Variants in AKNA observed in about 807,000 individuals in gnomAD.
AKNA encodes the protein microtubule organization protein AKNA.
AKNA carries 67 observed loss-of-function variants against 138.8 expected under a neutral mutation model. That is an observed-to-expected ratio of 0.48 (90% CI 0.40 to 0.59). The LOEUF (loss-of-function observed/expected upper bound fraction) is 0.59, where lower values mean the gene tolerates loss of function less well. Ranked by LOEUF, AKNA falls within the 20% of genes least tolerant of loss-of-function variation. AKNA has a pLI of 0.00. For synonymous variants in AKNA, 737 were observed against 754.4 expected, an observed-to-expected ratio of 0.98 and a Z score of 0.38; for missense variants, 1,813 against 1,880.4, an observed-to-expected ratio of 0.96 and a Z score of 0.66.
chr9:114,380,073 C>A (rs999054826), intron 2 of AKNA, among the ~76,000 whole-genome samples: 1 of 151,838 alleles, frequency 6.6e-6, no homozygotes, highest in Non-Finnish European at 1.5e-5. Flanking sequence ...ATTGATTGAG[C>A]CAGAAAGGTC....
In AKNA at chr9:114,377,051, G is replaced by A; in HGVS notation, c.756C>T (p.Gly252=). The A allele has an allele frequency of 2.5e-6, 4 of 1,614,164 alleles. No homozygotes were observed. Among genetic ancestry groups the A allele is most frequent in the Non-Finnish European group, 3.4e-6 (4 of 1,180,016 alleles). Residue 252 remains glycine (G), a synonymous_variant, in exon 3 of 22, where the codon GGC becomes GGT. Coordinates refer to ENST00000374088, the MANE Select transcript of AKNA (RefSeq NM_001317950.2). ...HLLSPDGRTG[G]SVARATPMEF... ...CCATGGGGGTTGCCCGAGCAACACTGCCTCCAGTTCTGCCATCTGGGCTTA... is the reference window on the plus strand; with the variant it reads ...CCATGGGGGTTGCCCGAGCAACACTACCTCCAGTTCTGCCATCTGGGCTTA...
chr9:114,343,790 A>G lies in AKNA; in HGVS notation c.3675T>C (p.His1225=). Residue 1225 remains histidine (H), a synonymous_variant, in exon 19 of 22, where the codon CAT becomes CAC. Coordinates refer to ENST00000374088, the MANE Select transcript of AKNA (RefSeq NM_001317950.2). ...TTGGGACCGCCTTAGGGGACAGAACATGGTATTCGTGGCCTGGGGAAAGAA... is the reference window on the plus strand; with the variant it reads ...TTGGGACCGCCTTAGGGGACAGAACGTGGTATTCGTGGCCTGGGGAAAGAA... The part of the protein sequence containing the change: ...FRGQYTGHEY[H]VLSPKAVPKG... 6.2e-7 allele frequency: 1 copy of G among 1,608,754 alleles called. No individual in the cohort carries two copies. Among genetic ancestry groups the G allele is most frequent in the Non-Finnish European group, 8.5e-7 (1 of 1,175,538 alleles).
rs1057212889 is a variant in AKNA at position 114,360,156 on chromosome 9, C to T, written c.2125-94G>A. 24 of 1,517,546 alleles carry T rather than the reference C, an allele frequency of 1.6e-5. No homozygotes were observed. The South Asian group carries it at 1.7e-4, about 11-fold the overall frequency. The allele number at this position is 1,517,546 out of a possible 1,614,324, so 94.0% of individuals were successfully genotyped here. A position where few individuals can be genotyped will look rare whatever the true frequency, so the allele number is the denominator to read the frequency against. On this transcript the variant is annotated intron_variant, in intron 9 of 21. Transcript: ENST00000374088. ...CCTGCCAGGCTCGAGCTGTGGGCTG[C>T]GGGGTAAGAAGCACATTAGACTCAC...
chr9:114,342,061 A>G lies in AKNA; in HGVS notation c.3822T>C (p.Cys1274=), dbSNP rs1217308127. The G allele has an allele frequency of 6.2e-7, 1 of 1,613,770 alleles. No individual in the cohort carries two copies. The highest frequency in any genetic ancestry group is 8.5e-7 in the Non-Finnish European group (1 of 1,179,852). ...CCTCTGGGGGAGACCCAACTTGACC[A>G]CACAGGGGACACTGAAGGGTATCAG... ...PPADTLQCPL[C]GQVGSPPEAD... Residue 1274 remains cysteine (C), a synonymous_variant, in exon 20 of 22, where the codon TGT becomes TGC. Coordinates refer to ENST00000374088, the MANE Select transcript of AKNA (RefSeq NM_001317950.2).
chr9:114,387,212 G>A (rs970063432), intron 1 of AKNA, among the ~76,000 whole-genome samples: 1 of 152,140 alleles, frequency 6.6e-6, no homozygotes, highest in African/African-American at 2.4e-5. Context: ...CAGACTTGCT[G>A]TTCTCAAGGG....
intron 6 of AKNA, among the ~76,000 whole-genome samples, chr9:114,366,552 G>A (rs1197366127): frequency 6.6e-6 from 1 of 152,150 alleles, no homozygotes; most frequent in Non-Finnish European, 1.5e-5. Flanking sequence ...AAAACTGACT[G>A]TGGTGATAGT....
At chr9:114,372,988 T>G in intron 4 of AKNA, among the ~76,000 whole-genome samples, 1 of 108,508 alleles carries the variant, frequency 9.2e-6, no homozygotes, top group Non-Finnish European at 1.8e-5. Flanking sequence ...GTCCTGGTCC[T>G]AGAACAGGCC....
chr9:114,358,944 T>C (rs1588976134), intron 11 of AKNA: 2 of 153,780 alleles, frequency 1.3e-5, no homozygotes, highest in African/African-American at 4.8e-5. Context: ...CTGCACGTTG[T>C]GCACGTGTAC....
At chr9:114,381,663 T>TTG (rs1554709123) in intron 1 of AKNA, among the ~76,000 whole-genome samples, 1 of 135,238 alleles carries the variant, frequency 7.4e-6, no homozygotes, top group East Asian at 2.1e-4. Flanking sequence ...GGGTTTTTTT[T>TTG]TTTTTTTTTT....
chr9:114,347,627 T>C (rs1460417920), intron 16 of AKNA, 97 bp downstream of exon 16: 1 of 1,269,118 alleles, frequency 7.9e-7, no homozygotes, highest in African/African-American at 1.5e-5. Flanking sequence ...GATGTGGCAG[T>C]GCCTGAGTCC....
Position 114,374,129 on chromosome 9 carries a change from G to T in AKNA, c.1380C>A (p.Ala460=). The change falls in exon 4 of 22, where the codon GCC becomes GCA. Residue 460 remains alanine (A), a synonymous_variant. Transcript: ENST00000374088. ...GGCGTAGCTGGTCAATGGTGTTCTC[G>T]GCCTCAGCGTACTTGGTGAGGAGCC... ...YHRLLTKYAE[A]ENTIDQLRLG... The T allele has an allele frequency of 6.4e-7, 1 of 1,559,722 alleles. No homozygotes were observed. Among genetic ancestry groups the T allele is most frequent in the Non-Finnish European group, 8.7e-7 (1 of 1,151,280 alleles).
At chr9:114,388,467 C>G (rs1430674367), upstream of AKNA, among the ~76,000 whole-genome samples, 1 of 152,228 alleles carries the variant, frequency 6.6e-6, no homozygotes, top group African/African-American at 2.4e-5. Context: ...CAATGTGCAA[C>G]CTGAATCTCA....
chr9:114,345,960 C>T lies in AKNA; in HGVS notation c.3564G>A (p.Lys1188=). The T allele has an allele frequency of 1.2e-6, 2 of 1,614,006 alleles. No individual in the cohort carries two copies. Among genetic ancestry groups the T allele is most frequent in the South Asian group, 2.2e-5 (2 of 91,072 alleles). Residue 1188 remains lysine, a synonymous_variant, in exon 18 of 22, where the codon AAG becomes AAA. Coordinates refer to ENST00000374088, the MANE Select transcript of AKNA (RefSeq NM_001317950.2). The stretch of plus-strand genomic sequence containing the variant: ...CTGCCTGTGGACTGTCCTTGGTGGT[C>T]TTGCTCTTCTCAGAGAACAGTGGTA... ...PSLPLFSEKS[K]TTKDSPQAAR...
Position 114,359,773 on chromosome 9 carries a change from G to A in AKNA, c.2313C>T (p.Leu771=), listed in dbSNP as rs763666127. 20 of 1,599,416 alleles carry A rather than the reference G, an allele frequency of 1.3e-5. No homozygotes were observed. The highest frequency in any genetic ancestry group is 1.7e-5 in the Non-Finnish European group (20 of 1,171,986). ...LMERYLSVKS[L]PEAMRMEEEE... is the part of the protein sequence containing the mutation. ...CCTCCTCCATTCTCATGGCTTCTGG[G>A]AGAGACTTCACACTGAGGTACCTGC... Residue 771 remains leucine (L), a synonymous_variant, in exon 11 of 22, where the codon CTC becomes CTT. Coordinates refer to ENST00000374088, the MANE Select transcript of AKNA (RefSeq NM_001317950.2).
At chr9:114,386,591 C>A (rs1013493064) in intron 1 of AKNA, among the ~76,000 whole-genome samples, 2 of 152,142 alleles carry the variant, frequency 1.3e-5, no homozygotes, top group African/African-American at 2.4e-5. Context: ...TTCAGGGTCC[C>A]CGCCATCCCT....
chr9:114,392,087 C>CA (rs1175729631), upstream of AKNA, among the ~76,000 whole-genome samples: 1 of 108,076 alleles, frequency 9.3e-6, no homozygotes, highest in Non-Finnish European at 1.7e-5. Flanking sequence ...GCCTGGGCAA[C>CA]AGAGTAAGAC....
chr9:114,398,038 G>A (rs938504959), upstream of AKNA, among the ~76,000 whole-genome samples: 25 of 152,208 alleles, frequency 1.6e-4, 3 homozygotes, highest in Admixed American at 1.6e-3. The surrounding 1 kb of genome is among the most constrained non-coding windows in gnomAD (Gnocchi z 4.2). Context: ...CCCAAACACA[G>A]CCCGAGGCCC....
intron 11 of AKNA, 125 bp from the exon 12 acceptor site, chr9:114,358,292 G>C: frequency 7.5e-7 from 1 of 1,327,848 alleles, no homozygotes. Context: ...TGGCTGCCCA[G>C]CCTGGTTCTG....
intron 21 of AKNA, among the ~76,000 whole-genome samples, chr9:114,339,676 G>A (rs1363811403): frequency 6.6e-6 from 1 of 152,174 alleles, no homozygotes; most frequent in African/African-American, 2.4e-5. Context: ...TCAATGAGTT[G>A]GAACACTGGC....
Sources: allele counts gnomAD v4.1 joint callset (sites outside exome capture counted in the v4.1 genomes callset), GRCh38; gene constraint gnomAD v4.1.1; non-coding constraint Gnocchi (gnomAD v3.1); transcripts MANE v1.5; gene names NCBI Gene and HGNC (gene_info 2026-07-23, HGNC 2026-07-21).